Variants in ZNF146 observed in about 807,000 individuals in gnomAD.
ZNF146 encodes zinc finger protein 146.
Under a neutral mutation model 22.2 loss-of-function variants are expected in ZNF146, and 9 were observed. The ratio of observed to expected loss-of-function variants is 0.41; its 90% confidence interval spans 0.24 to 0.71. The LOEUF (loss-of-function observed/expected upper bound fraction) is 0.71, where lower values mean the gene tolerates loss of function less well. Among genes scored for constraint, ZNF146 ranks in the 30% least tolerant of loss-of-function variants. ZNF146 has a pLI of 0.34. For missense variants in ZNF146, 194 were observed against 344.8 expected (o/e 0.56, Z 3.46); for synonymous variants, 108 against 119.2 (o/e 0.91, Z 0.61).
At chr19:36,223,210 A>C (rs1200886544) in intron 2 of ZNF146, among the ~76,000 whole-genome samples, 1 of 151,808 alleles carries the variant, frequency 6.6e-6, no homozygotes, top group African/African-American at 2.4e-5. Context: ...TGAGGTCAGG[A>C]GTTTGAGACT....
At chr19:36,216,007 C>T (rs1385726825) in intron 1 of ZNF146, among the ~76,000 whole-genome samples, 2 of 152,140 alleles carry the variant, frequency 1.3e-5, no homozygotes, top group Admixed American at 6.6e-5. Flanking sequence ...ATGCTACTGA[C>T]GTCTCCAAAG....
chr19:36,236,623 ACAT>A lies in ZNF146; in HGVS notation c.186_188del (p.His62del), dbSNP rs1977654870. 1 of 1,614,096 alleles carries A rather than the reference ACAT, an allele frequency of 6.2e-7. No individual in the cohort carries two copies. Among genetic ancestry groups the A allele is most frequent in the African/African-American group, 1.3e-5 (1 of 74,942 alleles). On this transcript the variant is annotated inframe_deletion, in exon 4 of 4. Coordinates refer to ENST00000443387, the MANE Select transcript of ZNF146 (RefSeq NM_007145.3). ...TTAGCCAAAAGCAGTATGTCATTAA[ACAT>A]CAGAACACCCATACTGGCGAGAAGC...
intron 3 of ZNF146, among the ~76,000 whole-genome samples, chr19:36,233,510 A>G (rs540126612): frequency 2.6e-4 from 40 of 152,258 alleles, no homozygotes; most frequent in African/African-American, 9.4e-4. Context: ...GGACCTCTCA[A>G]GAGGACCGGC....
intron 3 of ZNF146, among the ~76,000 whole-genome samples, chr19:36,230,604 G>A (rs117478882): frequency 1.1e-4 from 16 of 152,254 alleles, no homozygotes; most frequent in Non-Finnish European, 1.8e-4. Flanking sequence ...TTAGCCAGAA[G>A]GAACAAAAGT....
rs77455265 is a variant in ZNF146 at position 36,220,188 on chromosome 19, T to C, written c.-855+1993T>C. 4.9e-4 allele frequency among the ~76,000 whole-genome samples: 75 copies of C among 152,238 alleles called. 2 individuals carry two copies. In the East Asian group the frequency reaches 0.013, roughly 27 times the overall value. ...ATGGTATTAGAGACAAGATCAAGGG[T>C]GTGCTCATTGCCCAGGGGTAACATT... On this transcript the variant is annotated intron_variant, in intron 2 of 3. Transcript: ENST00000443387.
At chr19:36,234,331 C>A in intron 3 of ZNF146, among the ~76,000 whole-genome samples, 1 of 64,238 alleles carries the variant, frequency 1.6e-5, no homozygotes, top group Non-Finnish European at 4.1e-5. Context: ...CTTTTCCCCA[C>A]ACAGCCTGGG....
intron 3 of ZNF146, among the ~76,000 whole-genome samples, chr19:36,229,071 G>A (rs1039103964): frequency 1.3e-5 from 2 of 152,188 alleles, no homozygotes; most frequent in African/African-American, 4.8e-5. Flanking sequence ...CGTCTGTGCC[G>A]CCACTGTGGT....
intron 2 of ZNF146, among the ~76,000 whole-genome samples, chr19:36,218,518 T>C (rs1353770155): frequency 1.3e-5 from 2 of 152,034 alleles, no homozygotes; most frequent in African/African-American, 2.4e-5. Context: ...CAGGCTGCAG[T>C]GCAGTGGCCT....
chr19:36,225,189 G>A (rs1484332396), intron 2 of ZNF146, among the ~76,000 whole-genome samples: 1 of 152,150 alleles, frequency 6.6e-6, no homozygotes, highest in African/African-American at 2.4e-5. Flanking sequence ...GGGTCAGTGG[G>A]AGTGTGAGCA....
At chr19:36,222,699 AT>A (rs1976899362) in intron 2 of ZNF146, among the ~76,000 whole-genome samples, 1 of 146,056 alleles carries the variant, frequency 6.8e-6, no homozygotes, top group South Asian at 2.1e-4. Flanking sequence ...CCTTTTCACC[AT>A]TTTTCTATGG....
At chr19:36,216,751 A>G (rs190725764) in intron 1 of ZNF146, among the ~76,000 whole-genome samples, 91 of 152,326 alleles carry the variant, frequency 6.0e-4, no homozygotes, top group Admixed American at 9.2e-4. Context: ...GGAAAGAGAC[A>G]AGCTGCAAGA....
intron 2 of ZNF146, among the ~76,000 whole-genome samples, chr19:36,220,094 G>A (rs1358407200): frequency 6.6e-6 from 1 of 152,102 alleles, no homozygotes; most frequent in East Asian, 1.9e-4. Context: ...TGCACTGCAG[G>A]CTTGTATCTT....
chr19:36,222,136 T>C (rs1300197088), intron 2 of ZNF146, among the ~76,000 whole-genome samples: 1 of 152,000 alleles, frequency 6.6e-6, no homozygotes, highest in African/African-American at 2.4e-5. Context: ...GTTTCCCAGA[T>C]TGGTCTCGAA....
intron 3 of ZNF146, among the ~76,000 whole-genome samples, chr19:36,231,774 C>T (rs1052763804): frequency 1.3e-5 from 2 of 152,126 alleles, no homozygotes; most frequent in African/African-American, 4.8e-5. Context: ...TAAAAAGACA[C>T]ACTAAGCTCT....
intron 2 of ZNF146, among the ~76,000 whole-genome samples, chr19:36,223,359 CT>C (rs1976936357): frequency 6.7e-6 from 1 of 149,654 alleles, no homozygotes; most frequent in African/African-American, 2.5e-5. Flanking sequence ...AAAAAAAAAT[CT>C]AGTTACATTT....
At chr19:36,223,058 C>G (rs567295100) in intron 2 of ZNF146, among the ~76,000 whole-genome samples, 4 of 152,090 alleles carry the variant, frequency 2.6e-5, no homozygotes, top group Non-Finnish European at 5.9e-5. Context: ...AAGCAAGTCT[C>G]AGACTCCCAA....
intron 3 of ZNF146, among the ~76,000 whole-genome samples, chr19:36,234,555 G>A (rs1004874184): frequency 2.0e-5 from 3 of 152,042 alleles, no homozygotes; most frequent in African/African-American, 2.4e-5. Flanking sequence ...TCGCCACCAC[G>A]CCCGGCTAAT....
chr19:36,221,330 C>T (rs1381638536), intron 2 of ZNF146, among the ~76,000 whole-genome samples: 2 of 146,472 alleles, frequency 1.4e-5, no homozygotes, highest in Admixed American at 6.9e-5. Flanking sequence ...ACTCTGTCCC[C>T]TAGGCTGGAG....
chr19:36,231,476 T>TA (rs1312437460), intron 3 of ZNF146, among the ~76,000 whole-genome samples: 4 of 152,194 alleles, frequency 2.6e-5, no homozygotes, highest in Non-Finnish European at 4.4e-5. Context: ...CTCAAAGTGC[T>TA]AGGATTACAG....
Sources: allele counts gnomAD v4.1 joint callset (sites outside exome capture counted in the v4.1 genomes callset), GRCh38; gene constraint gnomAD v4.1.1; transcripts MANE v1.5; gene names NCBI Gene and HGNC (gene_info 2026-07-23, HGNC 2026-07-21).